Variants in GPR26 observed in about 807,000 individuals in gnomAD.
GPR26 encodes G protein-coupled receptor 26.
Under a neutral mutation model 23.1 loss-of-function variants are expected in GPR26, and 15 were observed. That is an observed-to-expected ratio of 0.65 (90% CI 0.43 to 1.00). The LOEUF is 1.00. Ranked by LOEUF, GPR26 falls within the 50% of genes least tolerant of loss-of-function variation. The pLI is 0.00. For missense variants in GPR26, 359 were observed against 470.5 expected (o/e 0.76, Z 2.19); for synonymous variants, 228 against 222.1 (o/e 1.03, Z -0.24).
intron 1 of GPR26, among the ~76,000 whole-genome samples, chr10:123,667,315 TCA>T (rs1845198433): frequency 6.6e-6 from 1 of 152,162 alleles, no homozygotes; most frequent in East Asian, 1.9e-4. Flanking sequence ...AGGGTAGAAA[TCA>T]CAGACAGTCA....
intron 2 of GPR26, among the ~76,000 whole-genome samples, chr10:123,687,451 C>T (rs1049528278): frequency 6.6e-6 from 1 of 152,122 alleles, no homozygotes; most frequent in African/African-American, 2.4e-5. Flanking sequence ...AAGGAGTGAA[C>T]AGAGATGCCC....
chr10:123,691,762 C>T lies in GPR26; in HGVS notation c.*3602C>T, dbSNP rs139689675. 147 of 152,270 alleles carry T rather than the reference C, an allele frequency of 9.7e-4. No individual in the cohort carries two copies. Among genetic ancestry groups the T allele is most frequent in the African/African-American group, 3.5e-3 (146 of 41,554 alleles). The allele number at this position is 152,270 out of a possible 1,614,324, so 9.4% of individuals were successfully genotyped here. ...CTTAAATTATTCACAGAAGTCACCA[C>T]GGAAGGTTGTTTAAGATGCAGATTC... On this transcript the variant is annotated 3_prime_UTR_variant, in exon 3 of 3. Transcript: ENST00000284674.
chr10:123,667,600 T>A (rs895251107), intron 1 of GPR26, among the ~76,000 whole-genome samples: 14 of 139,178 alleles, frequency 1.0e-4, no homozygotes, highest in African/African-American at 2.7e-4. Flanking sequence ...TGTGTGTGTG[T>A]GAATTCTGAT....
Position 123,678,320 on chromosome 10 carries a change from G to T in GPR26, c.782+3389G>T, listed in dbSNP as rs151054749. Among the ~76,000 whole-genome samples, 268 of 152,140 alleles carry T rather than the reference G, an allele frequency of 1.8e-3. 2 individuals are homozygous for T. Among genetic ancestry groups the T allele is most frequent in the African/African-American group, 6.1e-3 (255 of 41,518 alleles). On this transcript the variant is annotated intron_variant, in intron 2 of 2. Coordinates refer to ENST00000284674, the MANE Select transcript of GPR26 (RefSeq NM_153442.4). ...CCCCACCCCTCCTCCTAGACCTTGA[G>T]CTGCTCATATCATTCTTCAGTGGCC...
intron 2 of GPR26, among the ~76,000 whole-genome samples, chr10:123,675,843 T>TGTGTGTGTGTAC (rs2133925174): frequency 6.7e-6 from 1 of 149,814 alleles, no homozygotes; most frequent in African/African-American, 2.5e-5. Context: ...CGTGTGTGTG[T>TGTGTGTGTGTAC]GTGTGTGTGT....
chr10:123,695,392 T>C lies in GPR26; in HGVS notation c.*7232T>C, dbSNP rs1845532866. 6.6e-6 allele frequency among the ~76,000 whole-genome samples: 1 copy of C among 152,192 alleles called. No individual in the cohort carries two copies. The highest frequency in any genetic ancestry group is 2.4e-5 in the African/African-American group (1 of 41,440). On this transcript the variant is annotated 3_prime_UTR_variant, in exon 3 of 3. Transcript: ENST00000284674. ...CCTGGCACGGAAGAATTGTTGCACA[T>C]CTTTAATAGAAGCCAAAGCCCATGA...
intron 2 of GPR26, among the ~76,000 whole-genome samples, chr10:123,675,388 C>T (rs969766849): frequency 1.3e-5 from 2 of 152,196 alleles, no homozygotes; most frequent in Non-Finnish European, 2.9e-5. Flanking sequence ...GCCACCTGCA[C>T]AGGGAGCAGG....
At chr10:123,680,299 G>T (rs1456710632) in intron 2 of GPR26, among the ~76,000 whole-genome samples, 1 of 152,224 alleles carries the variant, frequency 6.6e-6, no homozygotes, top group East Asian at 1.9e-4. Flanking sequence ...GGTTCAGCTG[G>T]ATCTGACATT....
chr10:123,688,707 G>C lies in GPR26; in HGVS notation c.*547G>C, dbSNP rs376802459. 3.2e-5 allele frequency: 5 copies of C among 158,294 alleles called. No homozygotes were observed. Among genetic ancestry groups the C allele is most frequent in the African/African-American group, 1.2e-4 (5 of 41,626 alleles). The allele number at this position is 158,294 out of a possible 1,614,324, so 9.8% of individuals were successfully genotyped here. A position where few individuals can be genotyped will look rare whatever the true frequency, so the allele number is the denominator to read the frequency against. On this transcript the variant is annotated 3_prime_UTR_variant, in exon 3 of 3. Coordinates refer to ENST00000284674, the MANE Select transcript of GPR26 (RefSeq NM_153442.4). ...GCTGGTACTAACGACATTGTGCCCA[G>C]CTGGGACTCTTGGGCTCTGTGCCTG... is the stretch of plus-strand genomic sequence containing the variant.
rs1845488779 is a variant in GPR26 at position 123,691,392 on chromosome 10, C to G, written c.*3232C>G. 1 of 152,186 alleles carries G rather than the reference C, an allele frequency of 6.6e-6. No individual in the cohort carries two copies. The highest frequency in any genetic ancestry group is 2.4e-5 in the African/African-American group (1 of 41,442). The allele number at this position is 152,186 out of a possible 1,614,324, so 9.4% of individuals were successfully genotyped here. On this transcript the variant is annotated 3_prime_UTR_variant, in exon 3 of 3. Coordinates refer to ENST00000284674, the MANE Select transcript of GPR26 (RefSeq NM_153442.4). ...GAGCAATAAAACTCTCTCCTTATGT[C>G]TGTGAAATTCGTTTTCTTTTTCATG...
intron 2 of GPR26, among the ~76,000 whole-genome samples, chr10:123,682,665 T>C (rs1326237940): frequency 6.6e-6 from 1 of 152,244 alleles, no homozygotes. Context: ...CAAATAATTG[T>C]GGTTGTCATA....
rs1483434793 is a variant in GPR26, at chr10:123,680,824, T to TG, written c.782+5893_782+5894insG. Among the ~76,000 whole-genome samples the TG allele has an allele frequency of 1.7e-4, 20 of 118,558 alleles. 2 individuals are homozygous for TG. Among genetic ancestry groups the TG allele is most frequent in the South Asian group, 1.2e-3 (4 of 3,346 alleles). The allele number at this position is 118,558 out of a possible 152,430, so 77.8% of individuals were successfully genotyped here. A position where few individuals can be genotyped will look rare whatever the true frequency, so the allele number is the denominator to read the frequency against. On this transcript the variant is annotated intron_variant, in intron 2 of 2. Transcript: ENST00000284674. ...GGGTTTTTTTTGTTTTGTTTTGTTT[T>TG]TTTGGGGGGGGGGGTTGTTTTTTTG... is the stretch of plus-strand genomic sequence containing the variant.
chr10:123,679,078 T>C lies in GPR26; in HGVS notation c.782+4147T>C, dbSNP rs191789769. 3.9e-5 allele frequency among the ~76,000 whole-genome samples: 6 copies of C among 152,340 alleles called. No homozygotes were observed. The East Asian group carries it at 1.2e-3, about 29-fold the overall frequency. ...TATTTTTCTGCTGTTCTTTTCAAGA[T>C]GATTTCCAAGTGTAGACATCACCAG... On this transcript the variant is annotated intron_variant, in intron 2 of 2. Coordinates refer to ENST00000284674, the MANE Select transcript of GPR26 (RefSeq NM_153442.4).
At chr10:123,681,198 A>G (rs1845371266) in intron 2 of GPR26, among the ~76,000 whole-genome samples, 1 of 152,078 alleles carries the variant, frequency 6.6e-6, no homozygotes, top group Non-Finnish European at 1.5e-5. Flanking sequence ...AGCCTTCCCC[A>G]ATTCCATCAA....
At chr10:123,668,295 C>A (rs547600643) in intron 1 of GPR26, among the ~76,000 whole-genome samples, 75 of 152,300 alleles carry the variant, frequency 4.9e-4, no homozygotes, top group Non-Finnish European at 9.3e-4. Context: ...ACAATGCCGA[C>A]ACATTGAAGG....
In GPR26 at chr10:123,690,093, G is replaced by C. The variant is rs997232120; in HGVS notation, c.*1933G>C. 1 of 152,146 alleles carries C rather than the reference G, an allele frequency of 6.6e-6. No homozygotes were observed. The highest frequency in any genetic ancestry group is 1.5e-5 in the Non-Finnish European group (1 of 68,030). 9.4% of individuals were successfully genotyped at this position (152,146 alleles called of 1,614,324 possible). A position where few individuals can be genotyped will look rare whatever the true frequency, so the allele number is the denominator to read the frequency against. Reference sequence around the variant, plus strand: ...TAGCACACCACTGCCAGACATGACTGTGTGTGTCCCTGAAACAAAATTGCT... The same window carrying C: ...TAGCACACCACTGCCAGACATGACTCTGTGTGTCCCTGAAACAAAATTGCT... On this transcript the variant is annotated 3_prime_UTR_variant, in exon 3 of 3. Transcript: ENST00000284674.
At position 123,668,809 on chromosome 10, in the gene GPR26, G is replaced by A. The variant is rs78593845; in HGVS notation, c.668+1734G>A. ...GCCCTCTCACCATGAGTCTAACAGC[G>A]GAGGAGGGTTGAGCTGGGAGTGGAA... On this transcript the variant is annotated intron_variant, in intron 1 of 2. Coordinates refer to ENST00000284674, the MANE Select transcript of GPR26 (RefSeq NM_153442.4). 6.6e-3 allele frequency among the ~76,000 whole-genome samples: 998 copies of A among 152,308 alleles called. 4 individuals are homozygous for A. Among genetic ancestry groups the A allele is most frequent in the Middle Eastern group, 0.031 (9 of 294 alleles).
Position 123,668,268 on chromosome 10 carries a change from A to C in GPR26, c.668+1193A>C, listed in dbSNP as rs530048596. ...TATTTCCTGCACGAGAGCAGTAACA[A>C]GCAGTCCTTGACCTTCACAATGCCG... On this transcript the variant is annotated intron_variant, in intron 1 of 2. Transcript: ENST00000284674. Among the ~76,000 whole-genome samples, 5 of 152,326 alleles carry C rather than the reference A, an allele frequency of 3.3e-5. No homozygotes were observed. In the South Asian group the frequency reaches 8.3e-4, roughly 25 times the overall value.
rs1381853596 is a variant in GPR26 at position 123,666,589 on chromosome 10, C to A, written c.182C>A (p.Pro61Gln). The A allele has an allele frequency of 6.3e-7, 1 of 1,595,620 alleles. No individual in the cohort carries two copies. Among genetic ancestry groups the A allele is most frequent in the Non-Finnish European group, 8.5e-7 (1 of 1,173,246 alleles). The stretch of plus-strand genomic sequence containing the variant: ...CTGCTGTGCACCGTGGTCAACATGC[C>A]GCTCACGCTGGCCGGCGTCGTGGCG... ...GNLLCTVVNM[P>Q]LTLAGVVAQR... is the part of the protein sequence containing the mutation. The change falls in exon 1 of 3, where the codon CCG becomes CAG. Residue 61 changes from proline to glutamine, a missense_variant. Coordinates refer to ENST00000284674, the MANE Select transcript of GPR26 (RefSeq NM_153442.4).
Sources: gnomAD v4.1 joint callset for allele counts (sites outside exome capture counted in the v4.1 genomes callset) on GRCh38, gnomAD v4.1.1 for gene constraint, MANE v1.5 for transcripts, NCBI Gene and HGNC (gene_info 2026-07-23, HGNC 2026-07-21) for gene names.